The following CLCN5 variants were observed in gnomAD, a reference collection of about 807,000 sequenced individuals.
CLCN5 encodes the protein Cl-/H+ antiporter 5.
A neutral mutation model predicts 54.0 loss-of-function variants in CLCN5; 17 were observed. That is an observed-to-expected ratio of 0.31 (90% CI 0.22 to 0.47). The LOEUF is 0.47. CLCN5 is among the 20% of genes least tolerant of loss of function. The probability of loss-of-function intolerance (pLI) is 1.00; values close to 1 mark genes in which losing one functional copy is unlikely to be tolerated. For missense variants in CLCN5, 448 were observed against 646.7 expected (o/e 0.69, Z 3.33); for synonymous variants, 222 against 233.0 (o/e 0.95, Z 0.43).
intron 3 of CLCN5, among the ~76,000 whole-genome samples, chrX:49,965,777 GT>G (rs1368317040): frequency 1.8e-5 from 2 of 112,246 alleles, no homozygotes; most frequent in African/African-American, 6.5e-5. Context: ...GCTGGAGGAA[GT>G]TCCCTTCAAT....
intron 3 of CLCN5, among the ~76,000 whole-genome samples, chrX:50,031,001 T>C (rs1346264845): frequency 1.8e-5 from 2 of 111,865 alleles, no homozygotes; most frequent in Non-Finnish European, 3.8e-5. Context: ...CCCTTGTCCT[T>C]GATCCTCCAG....
intron 3 of CLCN5, among the ~76,000 whole-genome samples, chrX:50,001,048 G>A (rs1291813721): frequency 1.8e-5 from 2 of 110,554 alleles, no homozygotes; most frequent in African/African-American, 6.6e-5. Context: ...CCATCAGAAG[G>A]GACCCTCTGA....
At chrX:50,090,031 T>C in intron 12 of CLCN5, 85 bp from the exon 13 acceptor site, 1 of 1,014,884 alleles carries the variant, frequency 9.9e-7, no homozygotes, top group Non-Finnish European at 1.4e-6. Context: ...TTGTTTTTGG[T>C]AGGTCAGCTT....
At chrX:50,007,397 T>TTCTCTCTCTCTCTCTCTCTCTC in intron 3 of CLCN5, among the ~76,000 whole-genome samples, 248 of 63,387 alleles carry the variant, frequency 3.9e-3, no homozygotes, top group Non-Finnish European at 5.0e-3. Context: ...CTCTCTCTCT[T>TTCTCTCTCTCTCTCTCTCTCTC]TCTCTCTCTC....
intron 3 of CLCN5, among the ~76,000 whole-genome samples, chrX:49,995,820 A>C (rs922546343): frequency 8.9e-6 from 1 of 111,843 alleles, no homozygotes; most frequent in Admixed American, 9.5e-5. Flanking sequence ...ATCATGTGTT[A>C]TGTACTGGCT....
intron 3 of CLCN5, among the ~76,000 whole-genome samples, chrX:49,989,469 G>C (rs1292898712): frequency 8.9e-6 from 1 of 111,740 alleles, no homozygotes; most frequent in East Asian, 2.8e-4. Flanking sequence ...ATGAATAAAT[G>C]AATCTTCTAT....
intron 3 of CLCN5, among the ~76,000 whole-genome samples, chrX:50,011,207 G>T (rs782792569): frequency 1.8e-5 from 2 of 111,108 alleles, no homozygotes; most frequent in East Asian, 5.7e-4. Flanking sequence ...AAGAAGCCTT[G>T]TCTACACTTA....
intron 3 of CLCN5, among the ~76,000 whole-genome samples, chrX:49,926,296 A>G (rs1400338692): frequency 2.7e-5 from 3 of 112,593 alleles, no homozygotes; most frequent in Admixed American, 1.9e-4. Context: ...TTTGACTCAC[A>G]CAATGGGCAT....
chrX:49,993,284 A>AG (rs1453166337), intron 3 of CLCN5, among the ~76,000 whole-genome samples: 6 of 112,140 alleles, frequency 5.4e-5, no homozygotes, highest in African/African-American at 1.9e-4. Flanking sequence ...CCTGAATTCA[A>AG]GGGGGAAAAA....
chrX:50,011,748 C>T (rs1268292865), intron 3 of CLCN5, among the ~76,000 whole-genome samples: 6 of 112,374 alleles, frequency 5.3e-5, no homozygotes, highest in Non-Finnish European at 9.4e-5. Flanking sequence ...TGTACAGTCA[C>T]AGATGAACAC....
intron 9 of CLCN5, chrX:50,085,516 G>A: frequency 4.9e-6 from 1 of 206,002 alleles, no homozygotes; most frequent in South Asian, 7.6e-5. Flanking sequence ...ATGAATACTT[G>A]CAGCTGCTGA....
intron 3 of CLCN5, among the ~76,000 whole-genome samples, chrX:49,966,560 T>C (rs1293491645): frequency 9.8e-6 from 1 of 101,637 alleles, no homozygotes; most frequent in Admixed American, 1.1e-4. Context: ...TTAAATGTTT[T>C]CTATCTCATT....
At chrX:50,015,619 A>G (rs1930751087) in intron 3 of CLCN5, among the ~76,000 whole-genome samples, 1 of 109,199 alleles carries the variant, frequency 9.2e-6, no homozygotes, top group Non-Finnish European at 1.9e-5. Flanking sequence ...CCTAGGGAGT[A>G]CAGGTGCCCA....
At chrX:50,086,171 C>T in intron 10 of CLCN5, 111 bp downstream of exon 10, 1 of 861,228 alleles carries the variant, frequency 1.2e-6, no homozygotes, top group Non-Finnish European at 1.7e-6. Flanking sequence ...ATCCCAGTCC[C>T]TGAGTGCTCT....
intron 3 of CLCN5, among the ~76,000 whole-genome samples, chrX:49,935,146 G>T (rs1207420607): frequency 9.0e-6 from 1 of 111,474 alleles, no homozygotes; most frequent in African/African-American, 3.3e-5. Context: ...TTGAATAATT[G>T]TACCACCATG....
rs1557167827 is a variant in CLCN5, at chrX:49,925,258, A to G, written c.-41A>G. 8.3e-7 allele frequency: 1 copy of G among 1,201,684 alleles called. No homozygotes were observed. The highest frequency in any genetic ancestry group is 2.2e-5 in the Admixed American group (1 of 45,920). Reference sequence around the variant, plus strand: ...CTACAAAACTGAGAGGCTCTGGGAAACTCAGCCTGTGACCCCAGCGTGGGT... The same window carrying G: ...CTACAAAACTGAGAGGCTCTGGGAAGCTCAGCCTGTGACCCCAGCGTGGGT... On this transcript the variant is annotated 5_prime_UTR_variant, in exon 3 of 15. Transcript: ENST00000376091.
chrX:50,056,881 T>A (rs1932757930), intron 4 of CLCN5, among the ~76,000 whole-genome samples: 1 of 112,074 alleles, frequency 8.9e-6, no homozygotes, highest in African/African-American at 3.2e-5. Flanking sequence ...TTCATTTCAA[T>A]ATCATAGATT....
At chrX:49,980,422 G>A (rs1557177532) in intron 3 of CLCN5, among the ~76,000 whole-genome samples, 2 of 111,862 alleles carry the variant, frequency 1.8e-5, no homozygotes, top group Non-Finnish European at 3.8e-5. Flanking sequence ...TCCAAAAGCA[G>A]TTTCACTTAA....
At chrX:49,941,981 A>G (rs1407260664) in intron 3 of CLCN5, among the ~76,000 whole-genome samples, 2 of 85,080 alleles carry the variant, frequency 2.4e-5, no homozygotes, top group Non-Finnish European at 4.4e-5. Flanking sequence ...TGCCCCACCC[A>G]ATACACACAT....
Sources: allele counts gnomAD v4.1 joint callset (sites outside exome capture counted in the v4.1 genomes callset), GRCh38; gene constraint gnomAD v4.1.1; transcripts MANE v1.5; gene names NCBI Gene and HGNC (gene_info 2026-07-23, HGNC 2026-07-21).